The following GLP1R variants were observed in gnomAD, a reference collection of about 807,000 sequenced individuals.
The protein encoded by GLP1R is glucagon like peptide 1 receptor.
In GLP1R, 32 loss-of-function variants were observed where a neutral mutation model predicts 68.4. The ratio of observed to expected loss-of-function variants is 0.47; its 90% CI spans 0.35 to 0.63. The LOEUF (loss-of-function observed/expected upper bound fraction) is 0.63, where lower values mean the gene tolerates loss of function less well. Ranked by LOEUF, GLP1R falls within the 20% of genes least tolerant of loss-of-function variation. The pLI, the probability that GLP1R is intolerant of heterozygous loss-of-function variation, is 0.00. For missense variants in GLP1R, 502 were observed against 594.9 expected, an observed-to-expected ratio of 0.84 and a Z score of 1.62; for synonymous variants, 263 against 244.4, an observed-to-expected ratio of 1.08 and a Z score of -0.71.
intron 3 of GLP1R, among the ~76,000 whole-genome samples, chr6:39,063,841 C>T (rs888278763): frequency 2.6e-5 from 4 of 151,662 alleles, no homozygotes; most frequent in Non-Finnish European, 4.4e-5. Flanking sequence ...TAGATGGTTG[C>T]CCCTGTCCTG....
intron 5 of GLP1R, among the ~76,000 whole-genome samples, chr6:39,071,494 C>T (rs143814645): frequency 4.6e-5 from 7 of 151,904 alleles, no homozygotes; most frequent in African/African-American, 1.2e-4. Context: ...ATTCATATTG[C>T]GTATGATATA....
At position 39,086,316 on chromosome 6, in the gene GLP1R, T is replaced by C. The variant is rs1769147066; in HGVS notation, c.*243T>C. ...AAGCAGCCTCCTAATTTGATCACAG[T>C]GGCGAGAGGAGAGGAAAAACGATCG... On this transcript the variant is annotated 3_prime_UTR_variant, in exon 13 of 13. Coordinates refer to ENST00000373256, the MANE Select transcript of GLP1R (RefSeq NM_002062.5). This position sits in a 1 kb window ranked among gnomAD's most constrained non-coding sequence, Gnocchi z 4.5. The C allele has an allele frequency of 2.3e-6, 1 of 439,664 alleles. No individual in the cohort carries two copies. The highest frequency in any genetic ancestry group is 4.0e-6 in the Non-Finnish European group (1 of 248,068). 27.2% of individuals were successfully genotyped at this position (439,664 alleles called of 1,614,324 possible).
intron 5 of GLP1R, 92 bp from the exon 6 acceptor site, chr6:39,072,769 CA>C: frequency 9.3e-7 from 1 of 1,079,670 alleles, no homozygotes; most frequent in Non-Finnish European, 1.4e-6. Flanking sequence ...GGGCTGGAAA[CA>C]TGCCTAATGT....
At chr6:39,067,277 C>A (rs1768542146) in intron 5 of GLP1R, among the ~76,000 whole-genome samples, 1 of 152,148 alleles carries the variant, frequency 6.6e-6, no homozygotes, top group Non-Finnish European at 1.5e-5. Context: ...GTGTATTGAA[C>A]ATATTTGTCT....
intron 1 of GLP1R, among the ~76,000 whole-genome samples, chr6:39,054,319 A>C (rs1768160964): frequency 6.6e-6 from 1 of 151,934 alleles, no homozygotes; most frequent in East Asian, 1.9e-4. Context: ...AGAGGCCAGA[A>C]GTCTGGGTAG....
At chr6:39,057,329 G>A (rs1299405216) in intron 2 of GLP1R, 143 bp from the exon 3 acceptor site, 5 of 629,316 alleles carry the variant, frequency 7.9e-6, no homozygotes, top group Admixed American at 2.5e-5. Flanking sequence ...TGCTGGGTGG[G>A]GAAAGTGCTT....
rs1769194989 is a variant in GLP1R at position 39,088,049 on chromosome 6, A to T, written c.*1976A>T. 6.6e-6 allele frequency among the ~76,000 whole-genome samples: 1 copy of T among 152,214 alleles called. No homozygotes were observed. Among genetic ancestry groups the T allele is most frequent in the South Asian group, 2.1e-4 (1 of 4,830 alleles). The stretch of plus-strand genomic sequence containing the variant: ...AACAGATTGATATAATCTGTGTGAA[A>T]TAAATTGCTGAGGAGAGGGATTGTA... On this transcript the variant is annotated 3_prime_UTR_variant, in exon 13 of 13. Coordinates refer to ENST00000373256, the MANE Select transcript of GLP1R (RefSeq NM_002062.5).
intron 1 of GLP1R, among the ~76,000 whole-genome samples, chr6:39,055,201 C>T (rs1342277211): frequency 6.6e-6 from 1 of 152,238 alleles, no homozygotes; most frequent in Non-Finnish European, 1.5e-5. Flanking sequence ...ATGTGCCCAG[C>T]ACGCTACAAG....
At chr6:39,050,424 G>C (rs1345899340) in intron 1 of GLP1R, among the ~76,000 whole-genome samples, 2 of 152,164 alleles carry the variant, frequency 1.3e-5, no homozygotes, top group Non-Finnish European at 2.9e-5. Context: ...TCTGTGAGCT[G>C]TCTTCCCAGA....
intron 4 of GLP1R, 49 bp downstream of exon 4, chr6:39,065,878 G>A (rs753097141): frequency 1.7e-6 from 2 of 1,145,008 alleles, no homozygotes; most frequent in Non-Finnish European, 2.6e-6. Context: ...CCATGTCTTG[G>A]AGCACTTCAC....
At chr6:39,052,225 T>G (rs1768104613) in intron 1 of GLP1R, among the ~76,000 whole-genome samples, 1 of 151,636 alleles carries the variant, frequency 6.6e-6, no homozygotes, top group Non-Finnish European at 1.5e-5. Flanking sequence ...TCTAAAGCCC[T>G]TAGGGAAAAA....
At chr6:39,056,178 G>A (rs1357975068) in intron 1 of GLP1R, among the ~76,000 whole-genome samples, 1 of 152,160 alleles carries the variant, frequency 6.6e-6, no homozygotes, top group Non-Finnish European at 1.5e-5. Context: ...GACACATCAA[G>A]CTATGCACCC....
chr6:39,084,440 T>A (rs1769091985), intron 12 of GLP1R, among the ~76,000 whole-genome samples: 1 of 152,146 alleles, frequency 6.6e-6, no homozygotes, highest in Non-Finnish European at 1.5e-5. Context: ...GAAACCTCTC[T>A]TTGGTCTCTG....
At chr6:39,084,321 A>G (rs1769088967) in intron 12 of GLP1R, among the ~76,000 whole-genome samples, 1 of 152,226 alleles carries the variant, frequency 6.6e-6, no homozygotes, top group Non-Finnish European at 1.5e-5. Context: ...TTTCAAGGAC[A>G]ATCGTGATTA....
chr6:39,058,565 C>T (rs1007301416), intron 3 of GLP1R, among the ~76,000 whole-genome samples: 2 of 152,102 alleles, frequency 1.3e-5, no homozygotes, highest in Non-Finnish European at 2.9e-5. Flanking sequence ...ACCCAGGCAC[C>T]GTGGAGGATA....
chr6:39,086,325 G>A lies in GLP1R; in HGVS notation c.*252G>A. On this transcript the variant is annotated 3_prime_UTR_variant, in exon 13 of 13. Transcript: ENST00000373256. The surrounding 1 kb of genome is among the most constrained non-coding windows in gnomAD (Gnocchi z 4.5). ...CCTAATTTGATCACAGTGGCGAGAG[G>A]AGAGGAAAAACGATCGCTGTGAAAA... 4.7e-6 allele frequency: 2 copies of A among 423,774 alleles called. No homozygotes were observed. Among genetic ancestry groups the A allele is most frequent in the Non-Finnish European group, 8.4e-6 (2 of 238,508 alleles). 26.3% of individuals were successfully genotyped at this position (423,774 alleles called of 1,614,324 possible).
intron 11 of GLP1R, 47 bp from the exon 12 acceptor site, chr6:39,080,651 G>T: frequency 1.4e-6 from 2 of 1,396,534 alleles, no homozygotes; most frequent in Non-Finnish European, 2.0e-6. Context: ...AGTCTGCAGG[G>T]CACCTCCCTC....
chr6:39,069,097 G>T (rs753637760), intron 5 of GLP1R, among the ~76,000 whole-genome samples: 26 of 152,030 alleles, frequency 1.7e-4, no homozygotes, highest in Non-Finnish European at 3.2e-4. Context: ...TCAATACTTT[G>T]CTTAGAGATT....
intron 3 of GLP1R, among the ~76,000 whole-genome samples, chr6:39,064,766 A>G (rs867535807): frequency 5.9e-5 from 9 of 152,206 alleles, no homozygotes; most frequent in Non-Finnish European, 1.3e-4. Context: ...GGCACAGGCA[A>G]TGCCCCGCCT....
Sources: gnomAD v4.1 joint callset for allele counts (sites outside exome capture counted in the v4.1 genomes callset) on GRCh38, gnomAD v4.1.1 for gene constraint, Gnocchi (gnomAD v3.1) non-coding constraint, MANE v1.5 for transcripts, NCBI Gene and HGNC (gene_info 2026-07-23, HGNC 2026-07-21) for gene names.